Variants in CDKAL1 observed in about 807,000 individuals in gnomAD.
CDKAL1 encodes threonylcarbamoyladenosine tRNA methylthiotransferase.
In CDKAL1, 32 loss-of-function variants were observed where a neutral mutation model predicts 68.2. The ratio of observed to expected loss-of-function variants is 0.47; its 90% CI spans 0.35 to 0.63. CDKAL1 has a LOEUF of 0.63. CDKAL1 is among the 30% of genes least tolerant of loss of function. CDKAL1 has a pLI of 0.00. For missense variants in CDKAL1, 606 were observed against 696.7 expected (o/e 0.87, Z 1.47); for synonymous variants, 234 against 244.3 (o/e 0.96, Z 0.39).
intron 10 of CDKAL1, among the ~76,000 whole-genome samples, chr6:20,998,536 G>A (rs538954862): frequency 6.4e-4 from 97 of 152,050 alleles, no homozygotes; most frequent in African/African-American, 1.6e-3. Flanking sequence ...ACTTGAACCC[G>A]GGAGGTGGAG....
At chr6:21,199,919 C>T (rs941722245) in intron 14 of CDKAL1, among the ~76,000 whole-genome samples, 2 of 152,184 alleles carry the variant, frequency 1.3e-5, no homozygotes, top group Admixed American at 1.3e-4. Flanking sequence ...AAACTCAGAC[C>T]AAGATTCAAT....
At chr6:21,117,165 AT>A (rs1774456614) in intron 13 of CDKAL1, among the ~76,000 whole-genome samples, 1 of 151,850 alleles carries the variant, frequency 6.6e-6, no homozygotes, top group South Asian at 2.1e-4. Context: ...AACCTTTCTT[AT>A]CCCCATCCAG....
chr6:20,956,409 A>G (rs558374253), intron 10 of CDKAL1, among the ~76,000 whole-genome samples: 121 of 152,350 alleles, frequency 7.9e-4, no homozygotes, highest in Middle Eastern at 3.4e-3. Context: ...GAGCAACCAT[A>G]TAAATGAAGA....
chr6:20,593,241 A>T (rs944531445), intron 4 of CDKAL1, among the ~76,000 whole-genome samples: 5 of 152,204 alleles, frequency 3.3e-5, no homozygotes, highest in Non-Finnish European at 7.3e-5. Flanking sequence ...TTCAGAAGGA[A>T]TGGTACCAGC....
intron 13 of CDKAL1, among the ~76,000 whole-genome samples, chr6:21,135,030 C>T (rs7765730): frequency 6.6e-6 from 1 of 152,156 alleles, no homozygotes; most frequent in Admixed American, 6.5e-5. Context: ...GGAAATCTTA[C>T]GTAAATAGTC....
chr6:20,854,477 A>T (rs945127836), intron 9 of CDKAL1, among the ~76,000 whole-genome samples: 5 of 152,240 alleles, frequency 3.3e-5, no homozygotes, highest in Non-Finnish European at 7.3e-5. Flanking sequence ...GCTAATAGGC[A>T]CATGCTTTAG....
chr6:20,734,863 CTTTTTTTTTTT>C (rs34104100), intron 5 of CDKAL1, among the ~76,000 whole-genome samples: 4 of 87,696 alleles, frequency 4.6e-5, no homozygotes, highest in Admixed American at 1.5e-4. Context: ...TGCTGCACCT[CTTTTTTTTTTT>C]TTTTTTTTTT....
intron 8 of CDKAL1, among the ~76,000 whole-genome samples, chr6:20,798,238 G>GTA (rs1161761315): frequency 1.3e-5 from 2 of 152,090 alleles, no homozygotes; most frequent in Non-Finnish European, 2.9e-5. Flanking sequence ...TTGGGTAAGG[G>GTA]TATAGCACAA....
chr6:20,645,187 A>T (rs1333655719), intron 4 of CDKAL1, among the ~76,000 whole-genome samples: 1 of 152,184 alleles, frequency 6.6e-6, no homozygotes, highest in South Asian at 2.1e-4. Flanking sequence ...GTGAATGTGA[A>T]GGCCTGGGAC....
intron 5 of CDKAL1, among the ~76,000 whole-genome samples, chr6:20,691,825 A>G (rs1770882150): frequency 6.6e-6 from 1 of 152,182 alleles, no homozygotes; most frequent in Non-Finnish European, 1.5e-5. Flanking sequence ...AGAAGAAAAT[A>G]TTAAAAACTT....
chr6:21,036,910 T>C (rs1446495106), intron 11 of CDKAL1, among the ~76,000 whole-genome samples: 2 of 152,184 alleles, frequency 1.3e-5, no homozygotes, highest in Non-Finnish European at 2.9e-5. Flanking sequence ...GGTCCTGATG[T>C]CTTCAACTAA....
At chr6:21,133,496 A>G (rs1446795364) in intron 13 of CDKAL1, among the ~76,000 whole-genome samples, 11 of 152,140 alleles carry the variant, frequency 7.2e-5, no homozygotes, top group African/African-American at 2.7e-4. Flanking sequence ...GCCTATTACC[A>G]GTTAGGGTCT....
At chr6:20,921,393 C>G (rs1180993314) in intron 9 of CDKAL1, among the ~76,000 whole-genome samples, 1 of 152,148 alleles carries the variant, frequency 6.6e-6, no homozygotes, top group Non-Finnish European at 1.5e-5. Flanking sequence ...CACCACTGCA[C>G]TCCACCCTGG....
chr6:20,571,954 A>G (rs1283118960), intron 4 of CDKAL1, among the ~76,000 whole-genome samples: 2 of 152,132 alleles, frequency 1.3e-5, no homozygotes, highest in East Asian at 3.8e-4. Flanking sequence ...TTTATCTCAT[A>G]AAAGAGGAAA....
At chr6:20,596,361 C>T (rs1765822751) in intron 4 of CDKAL1, among the ~76,000 whole-genome samples, 1 of 152,228 alleles carries the variant, frequency 6.6e-6, no homozygotes, top group Non-Finnish European at 1.5e-5. Context: ...ATGCCCTCCC[C>T]AGCGAGGAGG....
chr6:20,892,238 G>A (rs1761446611), intron 9 of CDKAL1, among the ~76,000 whole-genome samples: 1 of 152,166 alleles, frequency 6.6e-6, no homozygotes, highest in Admixed American at 6.5e-5. Flanking sequence ...TGGAGCAGTA[G>A]GGAGGGAGAG....
intron 8 of CDKAL1, among the ~76,000 whole-genome samples, chr6:20,805,748 A>G (rs74419321): frequency 0.024 from 3,612 of 152,336 alleles, 139 homozygotes; most frequent in African/African-American, 0.081. Flanking sequence ...AAATGAGACT[A>G]TAACCACTGT....
rs11361870 is a variant in CDKAL1 at position 20,946,593 on chromosome 6, CTT to C, written c.743-8806_743-8805del. Among the ~76,000 whole-genome samples, 552 of 91,218 alleles carry C rather than the reference CTT, an allele frequency of 6.1e-3. 3 individuals carry two copies. Among genetic ancestry groups the C allele is most frequent in the African/African-American group, 0.017 (427 of 24,534 alleles). 59.8% of individuals were successfully genotyped at this position (91,218 alleles called of 152,430 possible). A position where few individuals can be genotyped will look rare whatever the true frequency, so the allele number is the denominator to read the frequency against. ...TGTAATCCAGTACCACAATCCATACCTTTTTTTTTTTTTTTTTTTTTGAGACA... is the reference window on the plus strand; with the variant it reads ...TGTAATCCAGTACCACAATCCATACCTTTTTTTTTTTTTTTTTTTGAGACA... On this transcript the variant is annotated intron_variant, in intron 9 of 15. Coordinates refer to ENST00000274695, the MANE Select transcript of CDKAL1 (RefSeq NM_017774.3).
intron 6 of CDKAL1, among the ~76,000 whole-genome samples, chr6:20,757,467 T>C (rs1774270211): frequency 6.6e-6 from 1 of 152,136 alleles, no homozygotes; most frequent in Non-Finnish European, 1.5e-5. Flanking sequence ...TACATATGTA[T>C]AACCCCCTAC....
Sources: allele counts gnomAD v4.1 joint callset (sites outside exome capture counted in the v4.1 genomes callset), GRCh38; gene constraint gnomAD v4.1.1; transcripts MANE v1.5; gene names NCBI Gene and HGNC (gene_info 2026-07-23, HGNC 2026-07-21).